TMEM100: variants seen among roughly 807,000 people sequenced by gnomAD.
TMEM100 encodes transmembrane protein 100.
For synonymous variants in TMEM100, 61 were observed against 67.1 expected (o/e 0.91, Z 0.44); for missense variants, 137 against 168.2 (o/e 0.81, Z 1.02).
intron 1 of TMEM100, among the ~76,000 whole-genome samples, chr17:55,729,485 G>T (rs750249055): frequency 6.6e-6 from 1 of 152,208 alleles, no homozygotes; most frequent in Non-Finnish European, 1.5e-5. Context: ...TTCTCCGGTG[G>T]AGAGGCAAAT....
rs1257349005 is a variant in TMEM100, at chr17:55,719,773, A to T, written c.*893T>A. 2 of 152,532 alleles carry T rather than the reference A, an allele frequency of 1.3e-5. No homozygotes were observed. Among genetic ancestry groups the T allele is most frequent in the East Asian group, 3.8e-4 (2 of 5,206 alleles). 9.4% of individuals were successfully genotyped at this position (152,532 alleles called of 1,614,324 possible). A position where few individuals can be genotyped will look rare whatever the true frequency, so the allele number is the denominator to read the frequency against. ...TCAGAAGTAATGAAAAACCAATATGATAAAAACAAAAATCCTCCAGTAAAG... is the reference window on the plus strand; with the variant it reads ...TCAGAAGTAATGAAAAACCAATATGTTAAAAACAAAAATCCTCCAGTAAAG... On this transcript the variant is annotated 3_prime_UTR_variant, in exon 2 of 2. Coordinates refer to ENST00000424486, the MANE Select transcript of TMEM100 (RefSeq NM_018286.3).
upstream of TMEM100, among the ~76,000 whole-genome samples, chr17:55,725,167 G>T (rs769501581): frequency 2.0e-5 from 3 of 152,148 alleles, no homozygotes; most frequent in Non-Finnish European, 4.4e-5. Context: ...TATGCCTGTT[G>T]TTTCTGAATG....
At chr17:55,728,323 G>A (rs543409385) in intron 1 of TMEM100, among the ~76,000 whole-genome samples, 2 of 152,202 alleles carry the variant, frequency 1.3e-5, no homozygotes, top group South Asian at 2.1e-4. Context: ...TGGGTTCAGG[G>A]TGATATCCTC....
At position 55,721,054 on chromosome 17, in the gene TMEM100, A is replaced by T. The variant is rs1908869476; in HGVS notation, c.17T>A (p.Ile6Asn). The change falls in exon 2 of 2, where the codon ATC (isoleucine) becomes AAC (asparagine). Residue 6 changes from isoleucine to asparagine, a missense_variant. Ile to Asn is a moderately radical substitution (Grantham distance 149). Transcript: ENST00000424486. The part of the protein sequence containing the change: MTEEP[I>N]KEILGAPKAH... ...CTTTGGGGCTCCCAGGATCTCCTTG[A>T]TGGGCTCTTCAGTCATTTTTACAAC... 1 of 1,611,662 alleles carries T rather than the reference A, an allele frequency of 6.2e-7. No homozygotes were observed. Among genetic ancestry groups the T allele is most frequent in the African/African-American group, 1.3e-5 (1 of 74,920 alleles).
At chr17:55,725,952 G>T (rs574983715), upstream of TMEM100, among the ~76,000 whole-genome samples, 1 of 152,194 alleles carries the variant, frequency 6.6e-6, no homozygotes, top group African/African-American at 2.4e-5. Flanking sequence ...GGGAGTATGG[G>T]GTTGGAAAGT....
At position 55,720,989 on chromosome 17, in the gene TMEM100, C is replaced by T. The variant is rs1382623663; in HGVS notation, c.82G>A (p.Glu28Lys). The T allele has an allele frequency of 2.5e-6, 4 of 1,614,092 alleles. No individual in the cohort carries two copies. The highest frequency in any genetic ancestry group is 1.7e-5 in the Admixed American group (1 of 60,008). The change falls in exon 2 of 2, where the codon GAA becomes AAA. Residue 28 changes from glutamate (E) to lysine (K), a missense_variant. Physicochemically the swap from Glu to Lys is moderately conservative, Grantham distance 56. Coordinates refer to ENST00000424486, the MANE Select transcript of TMEM100 (RefSeq NM_018286.3). Reference sequence around the variant, plus strand: ...AGAGGGACTGTGGTGATCACAACTTCACTCTTGGGGCTCTTCTCCATCGTC... The same window carrying T: ...AGAGGGACTGTGGTGATCACAACTTTACTCTTGGGGCTCTTCTCCATCGTC... Reference protein sequence around the residue: ...AATMEKSPKSEVVITTVPLVS... With the variant: ...AATMEKSPKSKVVITTVPLVS...
upstream of TMEM100, among the ~76,000 whole-genome samples, chr17:55,726,238 A>G (rs1909070211): frequency 6.6e-6 from 1 of 152,212 alleles, no homozygotes; most frequent in African/African-American, 2.4e-5. Flanking sequence ...TTGCTGTTCC[A>G]GAGAGAATGC....
upstream of TMEM100, among the ~76,000 whole-genome samples, chr17:55,724,866 C>T (rs1909021676): frequency 6.6e-6 from 1 of 152,142 alleles, no homozygotes; most frequent in Non-Finnish European, 1.5e-5. Context: ...ACAAATCTGT[C>T]ATCACTTCCA....
intron 1 of TMEM100, among the ~76,000 whole-genome samples, chr17:55,728,733 T>A (rs73312371): frequency 0.058 from 8,825 of 152,192 alleles, 621 homozygotes; most frequent in East Asian, 0.27. Context: ...ATCCTTTTCT[T>A]GAAGGAATAA....
At chr17:55,725,701 ATGTGTGTGTGTGTGTGTGTGTGTG>A (rs57564459), upstream of TMEM100, among the ~76,000 whole-genome samples, 5 of 139,676 alleles carry the variant, frequency 3.6e-5, no homozygotes, top group South Asian at 4.9e-4. Flanking sequence ...ACCCATATAT[ATGTGTGTGTGTGTGTGTGTGTGTG>A]TGTGTGTGTG....
At chr17:55,727,058 C>G (rs1364873452), upstream of TMEM100, among the ~76,000 whole-genome samples, 1 of 152,176 alleles carries the variant, frequency 6.6e-6, no homozygotes, top group Non-Finnish European at 1.5e-5. Context: ...AATCCCCATT[C>G]TCTTACCCCA....
Position 55,720,807 on chromosome 17 carries a change from A to C in TMEM100, c.264T>G (p.Phe88Leu), listed in dbSNP as rs1908851875. 6.2e-7 allele frequency: 1 copy of C among 1,614,246 alleles called. No individual in the cohort carries two copies. The highest frequency in any genetic ancestry group is 8.5e-7 in the Non-Finnish European group (1 of 1,180,040). The change falls in exon 2 of 2, where the codon TTT (phenylalanine) becomes TTG (leucine). Residue 88 changes from phenylalanine to leucine, a missense_variant. Coordinates refer to ENST00000424486, the MANE Select transcript of TMEM100 (RefSeq NM_018286.3). ...FNSHGSIISIFGLVVLSSGLF... is the reference protein window; with the variant it reads ...FNSHGSIISILGLVVLSSGLF... The stretch of plus-strand genomic sequence containing the variant: ...GTCCAGATGACAGAACAACCAGGCC[A>C]AAGATGGAGATAATAGACCCATGGG...
intron 1 of TMEM100, among the ~76,000 whole-genome samples, chr17:55,728,477 G>A (rs1909125964): frequency 6.6e-6 from 1 of 152,124 alleles, no homozygotes; most frequent in Non-Finnish European, 1.5e-5. Context: ...GTTTGAGGCC[G>A]GGACAGACAT....
upstream of TMEM100, among the ~76,000 whole-genome samples, chr17:55,723,927 CTG>C (rs1412591616): frequency 2.6e-5 from 4 of 152,194 alleles, no homozygotes; most frequent in African/African-American, 7.2e-5. Context: ...TACAGACAAA[CTG>C]TGAAATTTTT....
intron 1 of TMEM100, among the ~76,000 whole-genome samples, chr17:55,730,044 T>C (rs1198164104): frequency 6.6e-6 from 1 of 152,134 alleles, no homozygotes; most frequent in Admixed American, 6.5e-5. Context: ...GTGAATACTT[T>C]AAAAAAATAG....
At chr17:55,727,125 A>C (rs1175856319), upstream of TMEM100, among the ~76,000 whole-genome samples, 1 of 152,342 alleles carries the variant, frequency 6.6e-6, no homozygotes, top group East Asian at 1.9e-4. Context: ...GAGCTGAGTA[A>C]ATAATCTCTC....
intron 1 of TMEM100, among the ~76,000 whole-genome samples, chr17:55,729,433 G>T (rs1343049520): frequency 6.6e-6 from 1 of 152,156 alleles, no homozygotes; most frequent in East Asian, 1.9e-4. Context: ...AGTAGATGTG[G>T]GGCGAGGAAT....
intron 1 of TMEM100, among the ~76,000 whole-genome samples, chr17:55,730,894 CCTT>C (rs1307949930): frequency 6.6e-6 from 1 of 152,160 alleles, no homozygotes; most frequent in Non-Finnish European, 1.5e-5. Flanking sequence ...TTTGCTGTCT[CCTT>C]CTTGTTTACT....
At chr17:55,731,799 A>G (rs1909212778) in exon 1 of TMEM100, 1 of 152,186 alleles carries the variant, frequency 6.6e-6, no homozygotes, top group African/African-American at 2.4e-5. Context: ...TTCGCACACT[A>G]ATTTTCACTC....
Sources: gnomAD v4.1 joint callset for allele counts (sites outside exome capture counted in the v4.1 genomes callset) on GRCh38, gnomAD v4.1.1 for gene constraint, MANE v1.5 for transcripts, NCBI Gene and HGNC (gene_info 2026-07-23, HGNC 2026-07-21) for gene names.